MDM1: variants seen among roughly 807,000 people sequenced by gnomAD.
MDM1 encodes the protein stabilizer of axonemal microtubules 6, also known as Mdm1 nuclear protein.
MDM1 carries 61 observed loss-of-function variants against 89.1 expected under a neutral mutation model. The observed-to-expected ratio is 0.68, with a 90% CI of 0.56 to 0.85. The LOEUF (loss-of-function observed/expected upper bound fraction) is 0.85. Ranked by LOEUF, MDM1 falls within the 40% of genes least tolerant of loss-of-function variation. The pLI, the probability that MDM1 is intolerant of heterozygous loss-of-function variation, is 0.00. For missense variants in MDM1, 820 were observed against 846.5 expected (o/e 0.97, Z 0.39); for synonymous variants, 290 against 294.1 (o/e 0.99, Z 0.14).
At chr12:68,306,507 G>C (rs1169695107) in intron 12 of MDM1, among the ~76,000 whole-genome samples, 1 of 151,960 alleles carries the variant, frequency 6.6e-6, no homozygotes, top group Non-Finnish European at 1.5e-5. Flanking sequence ...ATCTGACAAC[G>C]GACTAATATC....
intron 3 of MDM1, chr12:68,326,156 G>C: frequency 6.8e-6 from 7 of 1,033,076 alleles, no homozygotes; most frequent in Non-Finnish European, 8.1e-6. Context: ...TGTGCTCACA[G>C]GGACCTGCTG....
chr12:68,316,182 A>G lies in MDM1; in HGVS notation c.1107T>C (p.His369=). ...RVQGTHFSRD[H]LNQILSDSNC... is the part of the protein sequence containing the mutation. The stretch of plus-strand genomic sequence containing the variant: ...TGCTATCAGATAAAATCTGATTCAG[A>G]TGGTCCCGAGAAAAATGCGTCCCCT... The change falls in exon 9 of 15, where the codon CAT becomes CAC. Residue 369 remains histidine, a synonymous_variant. Transcript: ENST00000682720. 1.2e-6 allele frequency: 2 copies of G among 1,614,120 alleles called. No individual in the cohort carries two copies. Among genetic ancestry groups the G allele is most frequent in the East Asian group, 2.2e-5 (1 of 44,876 alleles).
intron 2 of MDM1, among the ~76,000 whole-genome samples, chr12:68,327,727 A>C (rs1044488626): frequency 5.9e-5 from 9 of 152,266 alleles, no homozygotes; most frequent in Middle Eastern, 6.8e-3. Flanking sequence ...TGGAAAGGGA[A>C]GGTGGAAAGA....
chr12:68,316,661 G>A, intron 7 of MDM1, 51 bp from the exon 8 acceptor site: 1 of 1,310,848 alleles, frequency 7.6e-7, no homozygotes, highest in Non-Finnish European at 1.1e-6. Flanking sequence ...TGCCATAATT[G>A]AATATTAATG....
At chr12:68,325,124 A>ATT (rs1875776145) in intron 4 of MDM1, 1 of 971,520 alleles carries the variant, frequency 1.0e-6, no homozygotes, top group African/African-American at 1.7e-5. Context: ...AAATCAATTT[A>ATT]ATAATTTTTT....
Position 68,321,568 on chromosome 12 carries a change from G to A in MDM1, c.862C>T (p.Gln288Ter). The change falls in exon 6 of 15, where the codon CAG (glutamine) becomes TAG (stop). Residue 288 changes from glutamine (Q) to a stop codon, truncating the protein, a stop_gained. Transcript: ENST00000682720. LOFTEE classifies it high-confidence loss of function. Reference protein sequence around the residue: ...EAEMELKDLHQPKRKLTPWKH... With the variant: ...EAEMELKDLH ...CAAGGAGTAAGCTTCCTTTTAGGCT[G>A]GTGTAAGTCTTTTAATTCCATCTCT... The A allele has an allele frequency of 6.2e-7, 1 of 1,612,756 alleles. No individual in the cohort carries two copies.
rs540030835 is a variant in MDM1, at chr12:68,321,520, C to T, written c.905+5G>A. 10 of 1,611,372 alleles carry T rather than the reference C, an allele frequency of 6.2e-6. No individual in the cohort carries two copies. Among genetic ancestry groups the T allele is most frequent in the Admixed American group, 3.3e-5 (2 of 59,726 alleles). On this transcript the variant is annotated splice_donor_5th_base_variant and intron_variant, in intron 6 of 14. Transcript: ENST00000682720. The stretch of plus-strand genomic sequence containing the variant: ...AATACCATATTTTCCTATTAAAATA[C>T]ATACCCAAGCCTTTGATGTTTCCAA...
intron 12 of MDM1, among the ~76,000 whole-genome samples, chr12:68,312,830 G>A (rs1206619882): frequency 6.6e-6 from 1 of 151,834 alleles, no homozygotes; most frequent in African/African-American, 2.4e-5. Flanking sequence ...CCTCAAGGGG[G>A]CAGGTACCCC....
At position 68,302,879 on chromosome 12, in the gene MDM1, GACAA is replaced by G; in HGVS notation, c.1750-11_1750-8del. The G allele has an allele frequency of 2.2e-5, 16 of 738,092 alleles. No individual in the cohort carries two copies. In the South Asian group the frequency reaches 2.2e-4, roughly 10 times the overall value. The allele number at this position is 738,092 out of a possible 1,614,324, so 45.7% of individuals were successfully genotyped here. ...ATACAGCACGACTTTCTTTCTAAATGACAAAAAAAAAAAAAAAAAAAAGATGCCT... is the reference window on the plus strand; with the variant it reads ...ATACAGCACGACTTTCTTTCTAAATGAAAAAAAAAAAAAAAAAAGATGCCT... On this transcript the variant is annotated splice_region_variant and splice_polypyrimidine_tract_variant and intron_variant, in intron 12 of 14. Coordinates refer to ENST00000682720, the MANE Select transcript of MDM1 (RefSeq NM_001354969.2).
chr12:68,326,328 G>A, intron 3 of MDM1: 1 of 1,377,174 alleles, frequency 7.3e-7, no homozygotes, highest in Non-Finnish European at 9.4e-7. Context: ...CACCCTGCCA[G>A]AAGTAAGGGC....
chr12:68,299,325 A>G (rs1330342888), intron 13 of MDM1, among the ~76,000 whole-genome samples: 1 of 152,152 alleles, frequency 6.6e-6, no homozygotes, highest in Non-Finnish European at 1.5e-5. Flanking sequence ...CAAATTCAGA[A>G]GGTTGATGAT....
rs1474102982 is a variant in MDM1, at chr12:68,295,373, T to G, written c.2063-7A>C. 3.2e-6 allele frequency: 5 copies of G among 1,578,840 alleles called. No homozygotes were observed. Among genetic ancestry groups the G allele is most frequent in the Non-Finnish European group, 4.3e-6 (5 of 1,154,472 alleles). ...TCAGACAATCTGTCCTCATCTGCAA[T>G]GAAAAAATCCCGAGATTATATTCAT... On this transcript the variant is annotated splice_polypyrimidine_tract_variant and splice_region_variant and intron_variant, in intron 14 of 14. Coordinates refer to ENST00000682720, the MANE Select transcript of MDM1 (RefSeq NM_001354969.2).
chr12:68,326,533 T>G (rs571286569), intron 3 of MDM1, 124 bp downstream of exon 3: 6 of 1,599,236 alleles, frequency 3.8e-6, no homozygotes, highest in Middle Eastern at 3.4e-4. Context: ...ACTATTCTTA[T>G]AGACATTAGA....
chr12:68,312,568 C>G (rs1042110003), intron 12 of MDM1, among the ~76,000 whole-genome samples: 6 of 152,176 alleles, frequency 3.9e-5, no homozygotes. Context: ...TGCCCCAGCT[C>G]TTGCTCTACT....
At chr12:68,321,267 C>T in intron 7 of MDM1, 80 bp downstream of exon 7, 1 of 1,078,854 alleles carries the variant, frequency 9.3e-7, no homozygotes, top group South Asian at 1.6e-5. Flanking sequence ...TCTCTATTAC[C>T]AAAAGGAACT....
chr12:68,298,662 T>C (rs552202543), intron 13 of MDM1, among the ~76,000 whole-genome samples: 1 of 152,178 alleles, frequency 6.6e-6, no homozygotes, highest in South Asian at 2.1e-4. Flanking sequence ...ATTCTCACCC[T>C]TCACCCTGAT....
At chr12:68,302,073 T>TA (rs1159415791) in intron 13 of MDM1, among the ~76,000 whole-genome samples, 2 of 151,570 alleles carry the variant, frequency 1.3e-5, no homozygotes, top group Non-Finnish European at 2.9e-5. Context: ...GCAAAATGAA[T>TA]AAAAAAAATA....
At chr12:68,318,738 C>T (rs113578959) in intron 7 of MDM1, among the ~76,000 whole-genome samples, 2,283 of 152,296 alleles carry the variant, frequency 0.015, 56 homozygotes, top group African/African-American at 0.052. Context: ...CCCAACTCAA[C>T]AACATACACA....
intron 13 of MDM1, among the ~76,000 whole-genome samples, chr12:68,301,012 A>G (rs1445500195): frequency 6.6e-6 from 1 of 152,230 alleles, no homozygotes; most frequent in East Asian, 1.9e-4. Flanking sequence ...GGAATCCTCA[A>G]AACTATACAA....
Sources: gnomAD v4.1 joint callset for allele counts (sites outside exome capture counted in the v4.1 genomes callset) on GRCh38, gnomAD v4.1.1 for gene constraint, MANE v1.5 for transcripts, NCBI Gene and HGNC (gene_info 2026-07-23, HGNC 2026-07-21) for gene names.